Variants in COL6A6 observed in about 807,000 individuals in gnomAD.
COL6A6 encodes collagen alpha-6(VI) chain.
In COL6A6, 183 loss-of-function variants were observed where a neutral mutation model predicts 208.6. That is an observed-to-expected ratio of 0.88 (90% confidence interval 0.78 to 0.99). The LOEUF is 0.99. Among genes scored for constraint, COL6A6 ranks in the 50% least tolerant of loss-of-function variants. The pLI is 0.00. For missense variants in COL6A6, 2,816 were observed against 2,815.2 expected, an observed-to-expected ratio of 1.00 and a Z score of -0.01; for synonymous variants, 973 against 1,011.8, an observed-to-expected ratio of 0.96 and a Z score of 0.73.
intron 32 of COL6A6, among the ~76,000 whole-genome samples, chr3:130,647,840 T>C (rs371491608): frequency 6.6e-6 from 1 of 152,364 alleles, no homozygotes. Context: ...AACACATCAC[T>C]GGGGTGTCCT....
chr3:130,648,995 A>G, intron 32 of COL6A6, 74 bp from the exon 33 acceptor site: 1 of 1,257,052 alleles, frequency 8.0e-7, no homozygotes, highest in African/African-American at 1.5e-5. Context: ...AACATTTAAA[A>G]TTACTTTGCC....
intron 8 of COL6A6, among the ~76,000 whole-genome samples, chr3:130,577,819 T>A (rs1225736857): frequency 1.3e-5 from 2 of 152,242 alleles, no homozygotes; most frequent in Non-Finnish European, 2.9e-5. Flanking sequence ...CATTGAGAGT[T>A]AGCTAATATC....
intron 1 of COL6A6, among the ~76,000 whole-genome samples, chr3:130,527,518 A>G (rs1387274194): frequency 4.6e-5 from 7 of 152,230 alleles, no homozygotes; most frequent in Non-Finnish European, 7.3e-5. Context: ...TAAGAGGGAA[A>G]GGAGAATAGA....
At chr3:130,655,683 G>C (rs963608642) in intron 33 of COL6A6, among the ~76,000 whole-genome samples, 8 of 152,136 alleles carry the variant, frequency 5.3e-5, no homozygotes, top group African/African-American at 1.9e-4. Context: ...AAAAACTTTA[G>C]GCAAGTTAAA....
In COL6A6 at chr3:130,581,601, T is replaced by C; in HGVS notation, c.3588T>C (p.Thr1196=). 1 of 1,613,434 alleles carries C rather than the reference T, an allele frequency of 6.2e-7. No homozygotes were observed. Among genetic ancestry groups the C allele is most frequent in the Non-Finnish European group, 8.5e-7 (1 of 1,179,514 alleles). The stretch of plus-strand genomic sequence containing the variant: ...TTGTGGTGGGATTTGATGTCTCAAC[T>C]CAGGAGAAAGGGCAGACTTTGCTTG... ...VDVVVGFDVS[T]QEKGQTLLEG... Residue 1196 remains threonine, a synonymous_variant, in exon 9 of 37, where the codon ACT becomes ACC. Transcript: ENST00000358511.
At chr3:130,599,705 C>T in intron 19 of COL6A6, 52 bp from the exon 20 acceptor site, 4 of 1,589,486 alleles carry the variant, frequency 2.5e-6, no homozygotes, top group Non-Finnish European at 3.5e-6. Flanking sequence ...TAAAGAGAAA[C>T]TCTGTCAATG....
chr3:130,668,728 C>T (rs139290677), intron 36 of COL6A6, among the ~76,000 whole-genome samples: 140 of 152,002 alleles, frequency 9.2e-4, no homozygotes, highest in Non-Finnish European at 1.5e-3. Flanking sequence ...TGATGAGGGT[C>T]GTAAAACCTT....
Position 130,565,185 on chromosome 3 carries a change from A to G in COL6A6, c.853A>G (p.Met285Val), listed in dbSNP as rs773329754. Reference sequence around the variant, plus strand: ...GACAAAAGTGATAAATTCACTGAGCATGGGCATAAATAAGTCAGAGGTTCT... The same window carrying G: ...GACAAAAGTGATAAATTCACTGAGCGTGGGCATAAATAAGTCAGAGGTTCT... ...NETKVINSLSMGINKSEVLQH... is the reference protein window; with the variant it reads ...NETKVINSLSVGINKSEVLQH... The change falls in exon 4 of 37, where the codon ATG becomes GTG. Residue 285 changes from methionine to valine, a missense_variant. Physicochemically the swap from Met to Val is conservative, Grantham distance 21. Coordinates refer to ENST00000358511, the MANE Select transcript of COL6A6 (RefSeq NM_001102608.3). 2.7e-5 allele frequency: 44 copies of G among 1,613,890 alleles called. No homozygotes were observed. Among genetic ancestry groups the G allele is most frequent in the Middle Eastern group, 1.6e-4 (1 of 6,084 alleles).
In COL6A6 at chr3:130,608,950, C is replaced by CT. The variant is rs774271434; in HGVS notation, c.4740dup (p.Lys1581Ter). ...AGATGGACTTGAAGGCTCCCTGGGA[C>CT]TTAAGGGCCCTCAGGTACATATCAA... On this transcript the variant is annotated frameshift_variant, in exon 22 of 37. Transcript: ENST00000358511. LOFTEE classifies it high-confidence loss of function. 2.0e-5 allele frequency: 33 copies of CT among 1,612,442 alleles called. No individual in the cohort carries two copies. Among genetic ancestry groups the CT allele is most frequent in the Non-Finnish European group, 2.7e-5 (32 of 1,179,020 alleles).
In COL6A6 at chr3:130,563,219, T is replaced by C. The variant is rs751357591; in HGVS notation, c.216T>C (p.Ser72=). The change falls in exon 3 of 37, where the codon AGT becomes AGC. Residue 72 remains serine (S), a synonymous_variant. Coordinates refer to ENST00000358511, the MANE Select transcript of COL6A6 (RefSeq NM_001102608.3). ...ACCGTGTGGCCCTGGCCCAGTACAG[T>C]GATAAACTTCACAGTGAATTCCACC... ...DKYRVALAQY[S]DKLHSEFHLS... is the part of the protein sequence containing the mutation. 6.2e-7 allele frequency: 1 copy of C among 1,613,868 alleles called. No homozygotes were observed. Among genetic ancestry groups the C allele is most frequent in the African/African-American group, 1.3e-5 (1 of 74,906 alleles).
At position 130,662,071 on chromosome 3, in the gene COL6A6, T is replaced by A; in HGVS notation, c.6265T>A (p.Ser2089Thr). Residue 2089 changes from serine (S) to threonine (T), a missense_variant, in exon 35 of 37, where the codon TCT becomes ACT. Physicochemically the swap from Ser to Thr is moderately conservative, Grantham distance 58 (BLOSUM62 1). Coordinates refer to ENST00000358511, the MANE Select transcript of COL6A6 (RefSeq NM_001102608.3). ...AAGAAACAAAGTCATATTTGTGATA[T>A]CTGCTGGGGAAACCAGCCACTTAGA... is the stretch of plus-strand genomic sequence containing the variant. The part of the protein sequence containing the change: ...LRRNKVIFVI[S>T]AGETSHLDGE... 1 of 1,614,038 alleles carries A rather than the reference T, an allele frequency of 6.2e-7. No homozygotes were observed. Among genetic ancestry groups the A allele is most frequent in the South Asian group, 1.1e-5 (1 of 91,088 alleles).
Position 130,675,779 on chromosome 3 carries a change from T to C in COL6A6, c.*382T>C, listed in dbSNP as rs1356413960. The stretch of plus-strand genomic sequence containing the variant: ...CCATCCTCCTTTCCTAATTTAGTAA[T>C]GTCTAATGCTCATCTATTTAGTCAA... On this transcript the variant is annotated 3_prime_UTR_variant, in exon 37 of 37. Coordinates refer to ENST00000358511, the MANE Select transcript of COL6A6 (RefSeq NM_001102608.3). 6.3e-6 allele frequency: 1 copy of C among 158,482 alleles called. No individual in the cohort carries two copies. The highest frequency in any genetic ancestry group is 2.4e-5 in the African/African-American group (1 of 41,744). 9.8% of individuals were successfully genotyped at this position (158,482 alleles called of 1,614,324 possible). A position where few individuals can be genotyped will look rare whatever the true frequency, so the allele number is the denominator to read the frequency against.
chr3:130,595,134 G>C (rs1576293917), intron 18 of COL6A6, among the ~76,000 whole-genome samples: 1 of 151,892 alleles, frequency 6.6e-6, no homozygotes, highest in East Asian at 1.9e-4. Context: ...TGACATAAAG[G>C]CACTGCCCTT....
intron 32 of COL6A6, among the ~76,000 whole-genome samples, chr3:130,648,434 A>G (rs1209580184): frequency 6.6e-6 from 1 of 152,202 alleles, no homozygotes; most frequent in African/African-American, 2.4e-5. Flanking sequence ...CCTCAGGCCT[A>G]TGTAGCAGGT....
chr3:130,594,144 G>T (rs1317386670), intron 17 of COL6A6, 137 bp from the exon 18 acceptor site: 10 of 700,654 alleles, frequency 1.4e-5, no homozygotes, highest in Admixed American at 1.2e-4. Context: ...TTTTTCGGTT[G>T]TTCATCTTTC....
At chr3:130,672,651 G>A (rs2066247849) in intron 36 of COL6A6, among the ~76,000 whole-genome samples, 1 of 151,542 alleles carries the variant, frequency 6.6e-6, no homozygotes, top group Non-Finnish European at 1.5e-5. Flanking sequence ...TGATCCAACT[G>A]CCTCAGCCTC....
At chr3:130,672,836 C>A (rs1441482440) in intron 36 of COL6A6, among the ~76,000 whole-genome samples, 1 of 151,428 alleles carries the variant, frequency 6.6e-6, no homozygotes, top group Non-Finnish European at 1.5e-5. Context: ...TGGTGAAACC[C>A]CATCCCTACT....
chr3:130,653,539 A>G (rs1177922189), intron 33 of COL6A6, among the ~76,000 whole-genome samples: 1 of 152,228 alleles, frequency 6.6e-6, no homozygotes, highest in East Asian at 1.9e-4. Context: ...GGTATCATTC[A>G]GAACCCTTTG....
intron 35 of COL6A6, 21 bp from the exon 36 acceptor site, chr3:130,664,982 T>C: frequency 2.0e-6 from 3 of 1,493,760 alleles, no homozygotes; most frequent in Non-Finnish European, 1.8e-6. Context: ...ACAAGACTTA[T>C]CACAGACTTT....
Sources: allele counts gnomAD v4.1 joint callset (sites outside exome capture counted in the v4.1 genomes callset), GRCh38; gene constraint gnomAD v4.1.1; transcripts MANE v1.5; gene names NCBI Gene and HGNC (gene_info 2026-07-23, HGNC 2026-07-21).